The following PGAP2 variants were observed in gnomAD, a reference collection of about 807,000 sequenced individuals.
PGAP2 encodes acyltransferase PGAP2.
A neutral mutation model predicts 33.2 loss-of-function variants in PGAP2; 21 were observed. The ratio of observed to expected loss-of-function variants is 0.63; its 90% CI spans 0.45 to 0.91. PGAP2 has a LOEUF of 0.91. Among genes scored for constraint, PGAP2 ranks in the 40% least tolerant of loss-of-function variants. PGAP2 has a pLI of 0.00. For synonymous variants in PGAP2, 161 were observed against 172.9 expected (o/e 0.93, Z 0.54); for missense variants, 345 against 424.0 (o/e 0.81, Z 1.64).
chr11:3,823,347 TTAATCA>T (rs1342043636), intron 3 of PGAP2, among the ~76,000 whole-genome samples: 1 of 152,010 alleles, frequency 6.6e-6, no homozygotes, highest in African/African-American at 2.4e-5. Flanking sequence ...ACCCACTTTG[TTAATCA>T]TGATCAGAGC....
intron 3 of PGAP2, 183 bp downstream of exon 3, chr11:3,817,718 C>T (rs1365488218): frequency 1.4e-6 from 1 of 703,546 alleles, no homozygotes; most frequent in South Asian, 1.5e-5. Flanking sequence ...AGAATAGAAT[C>T]ACAGTCCTCC....
At chr11:3,816,314 A>T (rs1366838910) in intron 2 of PGAP2, 2 of 152,708 alleles carry the variant, frequency 1.3e-5, no homozygotes, top group East Asian at 1.9e-4. Flanking sequence ...GGAGGGAAGT[A>T]TGAGTGCCGA....
chr11:3,809,667 C>T (rs1007272324), intron 1 of PGAP2, among the ~76,000 whole-genome samples: 20 of 152,204 alleles, frequency 1.3e-4, no homozygotes, highest in Admixed American at 6.5e-5. Flanking sequence ...AAATGTTCCC[C>T]ATCTAGGGCC....
Position 3,810,066 on chromosome 11 carries a change from C to T in PGAP2, c.-10-1184C>T, listed in dbSNP as rs139338578. Among the ~76,000 whole-genome samples, 312 of 152,326 alleles carry T rather than the reference C, an allele frequency of 2.0e-3. 1 individual carries two copies. Among genetic ancestry groups the T allele is most frequent in the Middle Eastern group, 0.01 (3 of 294 alleles). On this transcript the variant is annotated intron_variant, in intron 1 of 6. Coordinates refer to ENST00000278243, the MANE Select transcript of PGAP2 (RefSeq NM_014489.4). ...CCCTAGCTTGGCAACAACAAGCCAACGTTCCAGGGATGGCTTTCCCTTCAG... is the reference window on the plus strand; with the variant it reads ...CCCTAGCTTGGCAACAACAAGCCAATGTTCCAGGGATGGCTTTCCCTTCAG...
At position 3,798,073 on chromosome 11, in the gene PGAP2, G is replaced by C. The variant is rs148297801; in HGVS notation, c.139+91G>C. 6 of 1,504,438 alleles carry C rather than the reference G, an allele frequency of 4.0e-6. No homozygotes were observed. In the East Asian group the frequency reaches 1.3e-4, roughly 32 times the overall value. 93.2% of individuals were successfully genotyped at this position (1,504,438 alleles called of 1,614,324 possible). A position where few individuals can be genotyped will look rare whatever the true frequency, so the allele number is the denominator to read the frequency against. ...TGCCCGCACTTCCCGCCCAGACCAC[G>C]TGCGGAGCCTGAGGGCCCTCTTGGA... is the stretch of plus-strand genomic sequence containing the variant. On this transcript the variant is annotated intron_variant, in intron 1 of 6. Coordinates refer to the PGAP2 transcript ENST00000300730.
intron 2 of PGAP2, among the ~76,000 whole-genome samples, chr11:3,817,007 C>T (rs2087192096): frequency 6.6e-6 from 1 of 152,130 alleles, no homozygotes; most frequent in Admixed American, 6.5e-5. Flanking sequence ...TACCTCTGAC[C>T]CTTCTCCTGA....
At chr11:3,815,278 AC>A (rs143113957) in intron 2 of PGAP2, among the ~76,000 whole-genome samples, 4,196 of 150,756 alleles carry the variant, frequency 0.028, 195 homozygotes, top group African/African-American at 0.096. Context: ...AGACAAGAAG[AC>A]AGTAATGAGG....
chr11:3,798,243 T>C lies in PGAP2; in HGVS notation c.139+261T>C, dbSNP rs141489463. On this transcript the variant is annotated intron_variant, in intron 1 of 6. Transcript: ENST00000300730. ...GACATTAGGAGCATTAGAGATGCCC[T>C]AAGGGACTGGCCCACCAAAGGGCCT... 5,616 of 862,002 alleles carry C rather than the reference T, an allele frequency of 6.5e-3. 23 individuals carry two copies. The highest frequency in any genetic ancestry group is 7.8e-3 in the Non-Finnish European group (4,822 of 619,072). 53.4% of individuals were successfully genotyped at this position (862,002 alleles called of 1,614,324 possible).
chr11:3,817,981 C>A, intron 3 of PGAP2: 1 of 395,136 alleles, frequency 2.5e-6, no homozygotes, highest in Non-Finnish European at 5.1e-6. Flanking sequence ...GGGAGGTGGA[C>A]ATTTCAGTGA....
In PGAP2 at chr11:3,823,918, C is replaced by T. The variant is rs562469687; in HGVS notation, c.384C>T (p.Ile128=). ...ACCTGCCCTCGGTGAGCTCAGCCAT[C>T]GGCGGGGAGGTGCCCCAGCGCTACG... is the stretch of plus-strand genomic sequence containing the variant. The part of the protein sequence containing the change: ...PNYLPSVSSA[I]GGEVPQRYVW... Residue 128 remains isoleucine, a synonymous_variant, in exon 4 of 7, where the codon ATC becomes ATT. Transcript: ENST00000278243. 7.5e-6 allele frequency: 12 copies of T among 1,602,158 alleles called. No individual in the cohort carries two copies. In the Admixed American group the frequency reaches 8.3e-5, roughly 11 times the overall value.
chr11:3,824,043 A>G lies in PGAP2; in HGVS notation c.509A>G (p.Tyr170Cys), dbSNP rs185342002. ...YLSCTSPCSCYRPLCRLNFGL... is the reference protein window; with the variant it reads ...YLSCTSPCSCCRPLCRLNFGL... ...AGCTGCACCTCCCCGTGTTCCTGCT[A>G]TCGCCCGCTCTGCCGCCTCAACTTC... Residue 170 changes from tyrosine (Y) to cysteine (C), a missense_variant, in exon 4 of 7, where the codon TAT (tyrosine) becomes TGT (cysteine). Transcript: ENST00000278243. The G allele has an allele frequency of 5.6e-6, 9 of 1,614,086 alleles. No individual in the cohort carries two copies. The highest frequency in any genetic ancestry group is 7.6e-6 in the Non-Finnish European group (9 of 1,180,022).
chr11:3,825,345 A>C lies in PGAP2; in HGVS notation c.835A>C (p.Ile279Leu), dbSNP rs1218967500. 2 of 1,613,976 alleles carry C rather than the reference A, an allele frequency of 1.2e-6. No individual in the cohort carries two copies. Among genetic ancestry groups the C allele is most frequent in the Non-Finnish European group, 1.7e-6 (2 of 1,179,970 alleles). Residue 279 changes from isoleucine to leucine, a missense_variant, in exon 7 of 7, where the codon ATC (isoleucine) becomes CTC (leucine). Physicochemically the swap from Ile to Leu is conservative, Grantham distance 5. Around this residue, in one of 2 missense-constraint regions of PGAP2, gnomAD observed 311 missense variants for 353.6 expected, o/e 0.88. Transcript: ENST00000278243. ...CEAGVYTIFA[I>L]LEYTVVLTNM... ...CACAACAGTGTACACCATCTTTGCC[A>C]TCCTGGAGTACACTGTTGTCTTAAC...
At chr11:3,818,061 A>AC (rs1565030001) in intron 3 of PGAP2, 6 of 234,234 alleles carry the variant, frequency 2.6e-5, no homozygotes, top group South Asian at 9.5e-5. Context: ...ACAAAACAAA[A>AC]TAAAAAAAAA....
intron 1 of PGAP2, among the ~76,000 whole-genome samples, chr11:3,798,368 C>T (rs1025041152): frequency 6.6e-6 from 1 of 152,106 alleles, no homozygotes; most frequent in African/African-American, 2.4e-5. Context: ...CTCGCGTTGT[C>T]GCCTAGGGTG....
chr11:3,812,458 G>C (rs1192714590), intron 2 of PGAP2, among the ~76,000 whole-genome samples: 4 of 152,178 alleles, frequency 2.6e-5, no homozygotes, highest in African/African-American at 9.7e-5. Flanking sequence ...GATAATTCCT[G>C]TCCTGCTCCT....
At chr11:3,824,460 G>A (rs1299055347) in intron 5 of PGAP2, 84 bp downstream of exon 5, 2 of 1,608,234 alleles carry the variant, frequency 1.2e-6, no homozygotes, top group Admixed American at 3.4e-5. Context: ...GTAATGGTGA[G>A]GTGGGAACTG....
chr11:3,824,908 C>G, intron 5 of PGAP2, 112 bp from the exon 6 acceptor site: 2 of 1,529,278 alleles, frequency 1.3e-6, no homozygotes, highest in Non-Finnish European at 8.7e-7. Flanking sequence ...TCCATGACCG[C>G]TAGTGGGAGC....
At chr11:3,815,081 G>A (rs2086699926) in intron 2 of PGAP2, among the ~76,000 whole-genome samples, 1 of 151,646 alleles carries the variant, frequency 6.6e-6, no homozygotes, top group African/African-American at 2.4e-5. Flanking sequence ...GAGATTACAG[G>A]CATGCACCAC....
At chr11:3,821,900 TAAA>T (rs34183866) in intron 3 of PGAP2, among the ~76,000 whole-genome samples, 8 of 139,230 alleles carry the variant, frequency 5.7e-5, no homozygotes, top group Non-Finnish European at 9.3e-5. Flanking sequence ...CTGTTGCTAC[TAAA>T]AAAAAAAAAA....
Sources: allele counts gnomAD v4.1 joint callset (sites outside exome capture counted in the v4.1 genomes callset), GRCh38; gene constraint gnomAD v4.1.1; regional missense constraint gnomAD v4.1.1; transcripts MANE v1.5; gene names NCBI Gene and HGNC (gene_info 2026-07-23, HGNC 2026-07-21).